DLG2: variants seen among roughly 807,000 people sequenced by gnomAD.
DLG2 encodes the protein disks large homolog 2.
A neutral mutation model predicts 132.5 loss-of-function variants in DLG2; 45 were observed. That is an observed-to-expected ratio of 0.34 (90% CI 0.27 to 0.44). The LOEUF (loss-of-function observed/expected upper bound fraction) is 0.44. Among genes scored for constraint, DLG2 ranks in the 20% least tolerant of loss-of-function variants. DLG2 has a pLI of 1.00. For missense variants in DLG2, 1,045 were observed against 1,196.9 expected (o/e 0.87, Z 1.87); for synonymous variants, 424 against 419.6 (o/e 1.01, Z -0.13).
intron 7 of DLG2, among the ~76,000 whole-genome samples, chr11:84,376,820 G>A (rs901585511): frequency 1.3e-5 from 2 of 151,836 alleles, no homozygotes; most frequent in African/African-American, 2.4e-5. Context: ...CACAAACTGA[G>A]CATCAGAGTC....
chr11:84,283,667 T>A (rs2097877759), intron 7 of DLG2, among the ~76,000 whole-genome samples: 1 of 152,166 alleles, frequency 6.6e-6, no homozygotes, highest in South Asian at 2.1e-4. Flanking sequence ...CCTCCCTGAA[T>A]CCTATTTGCT....
At chr11:85,488,260 G>T (rs961639585) in intron 3 of DLG2, among the ~76,000 whole-genome samples, 12 of 152,056 alleles carry the variant, frequency 7.9e-5, no homozygotes, top group Admixed American at 6.6e-4. Context: ...GTAGTGTGAG[G>T]CACCTATAGT....
In DLG2 at chr11:83,944,916, A is replaced by G. The variant is rs554754719; in HGVS notation, c.1341-14433T>C. The stretch of plus-strand genomic sequence containing the variant: ...TTATCTTCCCTTTTGTCTCCTTAAG[A>G]AATATTCTATAAAATCTATGTGATT... On this transcript the variant is annotated intron_variant, in intron 14 of 27. Transcript: ENST00000376104. Among the ~76,000 whole-genome samples, 4 of 152,338 alleles carry G rather than the reference A, an allele frequency of 2.6e-5. No homozygotes were observed. The East Asian group carries it at 7.7e-4, about 29-fold the overall frequency.
intron 19 of DLG2, among the ~76,000 whole-genome samples, chr11:83,622,807 G>T (rs1187904417): frequency 6.6e-6 from 1 of 152,064 alleles, no homozygotes; most frequent in Non-Finnish European, 1.5e-5. Context: ...AATTTATTGA[G>T]AATCACTTTA....
chr11:83,515,677 C>G (rs2095266648), intron 21 of DLG2, among the ~76,000 whole-genome samples: 1 of 152,150 alleles, frequency 6.6e-6, no homozygotes, highest in African/African-American at 2.4e-5. Flanking sequence ...ATAAATTTCC[C>G]TCTACACACT....
intron 3 of DLG2, among the ~76,000 whole-genome samples, chr11:85,545,629 TG>T (rs1321804677): frequency 2.0e-5 from 3 of 152,216 alleles, no homozygotes; most frequent in African/African-American, 4.8e-5. Context: ...GGGCTTTTTT[TG>T]GTTGGTAGGC....
intron 3 of DLG2, among the ~76,000 whole-genome samples, chr11:85,516,670 C>T (rs1598179554): frequency 6.6e-6 from 1 of 151,876 alleles, no homozygotes; most frequent in Non-Finnish European, 1.5e-5. Flanking sequence ...ACTAGAAATC[C>T]TAGAGGAAAT....
chr11:84,387,557 G>A (rs968327586), intron 7 of DLG2, among the ~76,000 whole-genome samples: 19 of 152,210 alleles, frequency 1.2e-4, no homozygotes, highest in African/African-American at 3.6e-4. Flanking sequence ...CTGCTCAATA[G>A]TAGGCCTTTT....
intron 22 of DLG2, among the ~76,000 whole-genome samples, chr11:83,476,464 A>G (rs1292051396): frequency 6.6e-6 from 1 of 152,156 alleles, no homozygotes; most frequent in Non-Finnish European, 1.5e-5. Flanking sequence ...CTCATTTTAC[A>G]TAGGAGAGAA....
chr11:84,144,680 G>A (rs1320891104), intron 9 of DLG2, among the ~76,000 whole-genome samples: 1 of 152,128 alleles, frequency 6.6e-6, no homozygotes, highest in East Asian at 1.9e-4. Context: ...TCAGAGAGGG[G>A]TAATGACTAT....
intron 6 of DLG2, among the ~76,000 whole-genome samples, chr11:84,596,498 T>C (rs556181852): frequency 7.9e-5 from 12 of 151,696 alleles, no homozygotes; most frequent in South Asian, 2.1e-4. Flanking sequence ...GCTGGGATTA[T>C]AGGCTTGAGC....
chr11:85,510,899 G>A (rs1400082793), intron 3 of DLG2, among the ~76,000 whole-genome samples: 1 of 152,128 alleles, frequency 6.6e-6, no homozygotes, highest in Non-Finnish European at 1.5e-5. Flanking sequence ...TATAAATCAT[G>A]CTGCTATAAA....
intron 7 of DLG2, among the ~76,000 whole-genome samples, chr11:84,353,259 T>C (rs1338709000): frequency 2.6e-5 from 4 of 152,196 alleles, no homozygotes; most frequent in African/African-American, 7.2e-5. Flanking sequence ...AGGATTTGGT[T>C]AGCAAGACAA....
chr11:83,516,152 G>A (rs908232848), intron 21 of DLG2, among the ~76,000 whole-genome samples: 4 of 152,146 alleles, frequency 2.6e-5, no homozygotes, highest in African/African-American at 9.7e-5. Flanking sequence ...ATTATTCTGT[G>A]GGAGTGTAAG....
chr11:84,419,839 C>T (rs1567586553), intron 7 of DLG2, among the ~76,000 whole-genome samples: 1 of 152,204 alleles, frequency 6.6e-6, no homozygotes, highest in Non-Finnish European at 1.5e-5. Flanking sequence ...CCCAAACTAC[C>T]TTCATTATTA....
At chr11:83,740,420 A>G (rs1023218979) in intron 18 of DLG2, among the ~76,000 whole-genome samples, 1 of 152,232 alleles carries the variant, frequency 6.6e-6, no homozygotes, top group Admixed American at 6.5e-5. Flanking sequence ...TATATACTAT[A>G]TGATTATATT....
At chr11:85,135,157 T>C (rs981911570) in intron 5 of DLG2, among the ~76,000 whole-genome samples, 3 of 152,222 alleles carry the variant, frequency 2.0e-5, no homozygotes, top group African/African-American at 4.8e-5. Context: ...TAATAGGTAA[T>C]TGAGACTTAC....
At chr11:83,528,623 T>C (rs1592548498) in intron 21 of DLG2, among the ~76,000 whole-genome samples, 1 of 152,152 alleles carries the variant, frequency 6.6e-6, no homozygotes, top group Non-Finnish European at 1.5e-5. Context: ...GAATCATGTA[T>C]AGTGTAGAGT....
intron 9 of DLG2, among the ~76,000 whole-genome samples, chr11:84,132,945 C>G (rs1320475618): frequency 6.6e-6 from 1 of 151,954 alleles, no homozygotes. Context: ...GAAAAGTAAT[C>G]AGATTATTAG....
Sources: allele counts gnomAD v4.1 joint callset (sites outside exome capture counted in the v4.1 genomes callset), GRCh38; gene constraint gnomAD v4.1.1; transcripts MANE v1.5; gene names NCBI Gene and HGNC (gene_info 2026-07-23, HGNC 2026-07-21).